FAM50B: variants seen among roughly 807,000 people sequenced by gnomAD.
FAM50B encodes protein FAM50B.
In FAM50B, 9 loss-of-function variants were observed where a neutral mutation model predicts 25.4. The observed-to-expected ratio is 0.35, with a 90% confidence interval of 0.21 to 0.62. FAM50B has a LOEUF of 0.62. Among genes scored for constraint, FAM50B ranks in the 20% least tolerant of loss-of-function variants. FAM50B has a pLI of 0.73. For synonymous variants in FAM50B, 212 were observed against 204.3 expected (o/e 1.04, Z -0.32); for missense variants, 372 against 477.9 (o/e 0.78, Z 2.07).
At chr6:3,840,237 C>T in the FAM50B span, among the ~76,000 whole-genome samples, 5 of 152,224 alleles carry the variant, frequency 3.3e-5, no homozygotes, top group African/African-American at 7.2e-5. Context: ...TCGTGATCCG[C>T]CCGCCTGGGC....
At chr6:3,844,475 C>T (rs1348890657), upstream of FAM50B, among the ~76,000 whole-genome samples, 9 of 152,138 alleles carry the variant, frequency 5.9e-5, no homozygotes, top group African/African-American at 1.7e-4. Context: ...CTTTGGGAGG[C>T]CGAGGAGGGC....
At chr6:3,838,286 G>T in the FAM50B span, among the ~76,000 whole-genome samples, 1 of 151,698 alleles carries the variant, frequency 6.6e-6, no homozygotes, top group Non-Finnish European at 1.5e-5. Flanking sequence ...ACTCCAGCCT[G>T]GGCAACAGAG....
the FAM50B span, among the ~76,000 whole-genome samples, chr6:3,838,009 G>C: frequency 6.6e-6 from 1 of 152,218 alleles, no homozygotes; most frequent in Non-Finnish European, 1.5e-5. Flanking sequence ...GTGCTGACAA[G>C]AATGCAGAGG....
the FAM50B span, among the ~76,000 whole-genome samples, chr6:3,843,765 A>T: frequency 2.6e-5 from 4 of 152,242 alleles, no homozygotes. Context: ...GCGTGCAATA[A>T]TATTATCTAG....
chr6:3,837,590 C>A, the FAM50B span, among the ~76,000 whole-genome samples: 6 of 152,076 alleles, frequency 3.9e-5, no homozygotes, highest in East Asian at 7.7e-4. Flanking sequence ...AGCATCTTAG[C>A]CCATTTTATG....
the FAM50B span, among the ~76,000 whole-genome samples, chr6:3,841,861 G>A: frequency 6.6e-6 from 1 of 152,202 alleles, no homozygotes; most frequent in African/African-American, 2.4e-5. Flanking sequence ...GCAGCTCCAG[G>A]AACAGCCTTG....
At position 3,850,110 on chromosome 6, in the gene FAM50B, A is replaced by G. The variant is rs769909140; in HGVS notation, c.299A>G (p.Gln100Arg). Residue 100 changes from glutamine (Q) to arginine (R), a missense_variant, in exon 2 of 2, where the codon CAG becomes CGG. This residue lies in a region of FAM50B where 224 missense variants were observed against 232.2 expected (regional missense o/e 0.96). Transcript: ENST00000648326. ...KRQHLEEQRL[Q>R]QERQREQEQR... ...CAGCACCTGGAGGAGCAGCGGCTGC[A>G]GCAGGAGCGGCAGCGGGAGCAGGAG... 6.2e-7 allele frequency: 1 copy of G among 1,609,986 alleles called. No individual in the cohort carries two copies. Among genetic ancestry groups the G allele is most frequent in the South Asian group, 1.1e-5 (1 of 90,832 alleles).
upstream of FAM50B, among the ~76,000 whole-genome samples, chr6:3,844,713 C>T (rs1033266751): frequency 1.3e-5 from 2 of 151,264 alleles, no homozygotes; most frequent in Non-Finnish European, 1.5e-5. Context: ...GACTCCGTCT[C>T]AAAAACAAAA....
In FAM50B at chr6:3,849,929, A is replaced by G; in HGVS notation, c.118A>G (p.Ile40Val). ...VLKQRIAEET[I>V]LKSQVDKRFS... is the part of the protein sequence containing the mutation. ...GAAGCAGCGCATCGCCGAGGAGACC[A>G]TCCTCAAGTCGCAGGTGGACAAGAG... The change falls in exon 2 of 2, where the codon ATC becomes GTC. Residue 40 changes from isoleucine (I) to valine (V), a missense_variant. This residue lies in a region of FAM50B where 64 missense variants were observed against 118.3 expected (regional missense o/e 0.54). Transcript: ENST00000648326. 4 of 1,613,734 alleles carry G rather than the reference A, an allele frequency of 2.5e-6. No individual in the cohort carries two copies. Among genetic ancestry groups the G allele is most frequent in the Non-Finnish European group, 3.4e-6 (4 of 1,179,958 alleles).
At position 3,850,603 on chromosome 6, in the gene FAM50B, G is replaced by T. The variant is rs773566808; in HGVS notation, c.792G>T (p.Pro264=). ...CCAGGGCGAGGGGCAAGAGCGGGCC[G>T]CTCTTCAGCTTCGATGTGCACGATG... ...IIARARGKSG[P]LFSFDVHDDV... is the part of the protein sequence containing the mutation. Residue 264 remains proline (P), a synonymous_variant, in exon 2 of 2, where the codon CCG becomes CCT. Transcript: ENST00000648326. 1 of 1,614,090 alleles carries T rather than the reference G, an allele frequency of 6.2e-7. No individual in the cohort carries two copies. Among genetic ancestry groups the T allele is most frequent in the Non-Finnish European group, 8.5e-7 (1 of 1,180,026 alleles).
At chr6:3,838,960 A>G in the FAM50B span, among the ~76,000 whole-genome samples, 7 of 152,136 alleles carry the variant, frequency 4.6e-5, no homozygotes, top group East Asian at 1.4e-3. Context: ...AATAACTCTG[A>G]CTTAAAATGT....
At chr6:3,841,186 G>A in the FAM50B span, among the ~76,000 whole-genome samples, 1 of 152,194 alleles carries the variant, frequency 6.6e-6, no homozygotes, top group African/African-American at 2.4e-5. Context: ...TCCTGTCACT[G>A]GGGCAGTATC....
chr6:3,844,022 T>C, the FAM50B span, among the ~76,000 whole-genome samples: 3 of 152,228 alleles, frequency 2.0e-5, no homozygotes, highest in African/African-American at 7.2e-5. Flanking sequence ...CTGCCACTTG[T>C]AGGATAATCC....
chr6:3,836,214 A>C, the FAM50B span, among the ~76,000 whole-genome samples: 1 of 152,242 alleles, frequency 6.6e-6, no homozygotes, highest in African/African-American at 2.4e-5. Context: ...TTATTCAGTC[A>C]GTCTAGTCCT....
the FAM50B span, among the ~76,000 whole-genome samples, chr6:3,837,917 G>C: frequency 4.1e-4 from 63 of 152,200 alleles, 1 homozygote; most frequent in African/African-American, 1.4e-3. Flanking sequence ...CTTCTCAAAG[G>C]TTCCACCTCT....
At chr6:3,837,973 A>G in the FAM50B span, among the ~76,000 whole-genome samples, 1 of 152,236 alleles carries the variant, frequency 6.6e-6, no homozygotes, top group Non-Finnish European at 1.5e-5. Flanking sequence ...GTGAACTTTT[A>G]GAGGACTTTA....
the FAM50B span, among the ~76,000 whole-genome samples, chr6:3,843,361 C>T: frequency 6.6e-6 from 1 of 152,138 alleles, no homozygotes; most frequent in Admixed American, 6.5e-5. Flanking sequence ...GTGAAAATAA[C>T]CCTTTCAGGA....
At chr6:3,844,440 G>T (rs1307121645), upstream of FAM50B, among the ~76,000 whole-genome samples, 1 of 152,190 alleles carries the variant, frequency 6.6e-6, no homozygotes, top group African/African-American at 2.4e-5. Context: ...ACCGGGCGAG[G>T]TGGCTCACGC....
chr6:3,849,212 C>G (rs1762163287), upstream of FAM50B, among the ~76,000 whole-genome samples: 1 of 152,340 alleles, frequency 6.6e-6, no homozygotes, highest in East Asian at 1.9e-4. Context: ...CTGGCCCGCC[C>G]CACAGGAGCA....
Sources: gnomAD v4.1 joint callset for allele counts (sites outside exome capture counted in the v4.1 genomes callset) on GRCh38, gnomAD v4.1.1 for gene constraint, gnomAD v4.1.1 regional missense constraint, MANE v1.5 for transcripts, NCBI Gene and HGNC (gene_info 2026-07-23, HGNC 2026-07-21) for gene names.